The following FRYL variants were observed in gnomAD, a reference collection of about 807,000 sequenced individuals.
The protein encoded by FRYL is protein furry homolog-like.
In FRYL, 150 loss-of-function variants were observed where a neutral mutation model predicts 351.2. That is an observed-to-expected ratio of 0.43 (90% CI 0.37 to 0.49). The LOEUF is 0.49. Ranked by LOEUF, FRYL falls within the 20% of genes least tolerant of loss-of-function variation. FRYL has a pLI of 0.00. For missense variants in FRYL, 3,036 were observed against 3,619.3 expected (o/e 0.84, Z 4.13); for synonymous variants, 1,153 against 1,257.1 (o/e 0.92, Z 1.75).
chr4:48,725,305 C>A (rs1769960239), intron 1 of FRYL, among the ~76,000 whole-genome samples: 2 of 152,212 alleles, frequency 1.3e-5, no homozygotes, highest in South Asian at 2.1e-4. Flanking sequence ...CCATCAAATT[C>A]TCTGCACTAA....
intron 1 of FRYL, among the ~76,000 whole-genome samples, chr4:48,755,752 A>T (rs1773707199): frequency 6.6e-6 from 1 of 152,148 alleles, no homozygotes; most frequent in African/African-American, 2.4e-5. Context: ...AGGCTTCAAA[A>T]CATACTGAGA....
intron 1 of FRYL, among the ~76,000 whole-genome samples, chr4:48,778,168 G>T (rs1157619793): frequency 6.6e-6 from 1 of 152,152 alleles, no homozygotes; most frequent in African/African-American, 2.4e-5. Flanking sequence ...TCTGTGAGAA[G>T]AATAGATTTT....
chr4:48,620,615 AAC>A, intron 6 of FRYL, 22 bp downstream of exon 6: 1 of 1,592,582 alleles, frequency 6.3e-7, no homozygotes, highest in Non-Finnish European at 8.6e-7. Flanking sequence ...TTCCAGGTGA[AAC>A]AGTGTAAAAT....
intron 46 of FRYL, 85 bp from the exon 47 acceptor site, chr4:48,540,153 A>C: frequency 2.5e-6 from 3 of 1,219,244 alleles, no homozygotes; most frequent in Non-Finnish European, 3.4e-6. Context: ...GATGGTTCAC[A>C]GAAACCATTT....
At chr4:48,525,426 T>A (rs1460237445) in intron 53 of FRYL, among the ~76,000 whole-genome samples, 2 of 152,140 alleles carry the variant, frequency 1.3e-5, no homozygotes, top group East Asian at 3.8e-4. Context: ...CATGGTCACA[T>A]CCTCACATCT....
At chr4:48,529,434 C>T (rs1727034355) in intron 50 of FRYL, among the ~76,000 whole-genome samples, 2 of 152,170 alleles carry the variant, frequency 1.3e-5, no homozygotes, top group Admixed American at 1.3e-4. Flanking sequence ...ATTTGCATCA[C>T]TGCTTCAAAT....
intron 3 of FRYL, among the ~76,000 whole-genome samples, chr4:48,661,641 C>T (rs927501740): frequency 3.9e-5 from 6 of 152,170 alleles, no homozygotes; most frequent in Non-Finnish European, 7.4e-5. Flanking sequence ...CCAAAACAAA[C>T]AACACTCTTT....
At chr4:48,697,716 T>C (rs1474108044) in intron 2 of FRYL, among the ~76,000 whole-genome samples, 1 of 152,152 alleles carries the variant, frequency 6.6e-6, no homozygotes, top group East Asian at 1.9e-4. Flanking sequence ...TGACCTCAGG[T>C]GATCCACCCG....
At chr4:48,746,519 C>T (rs543708470) in intron 1 of FRYL, among the ~76,000 whole-genome samples, 58 of 150,376 alleles carry the variant, frequency 3.9e-4, no homozygotes, top group Non-Finnish European at 7.2e-4. Flanking sequence ...CACTCCAGCC[C>T]GGGCGACAGA....
chr4:48,523,013 T>C lies in FRYL; in HGVS notation c.7409A>G (p.Gln2470Arg). 6.2e-7 allele frequency: 1 copy of C among 1,613,706 alleles called. No individual in the cohort carries two copies. The highest frequency in any genetic ancestry group is 1.1e-5 in the South Asian group (1 of 91,076). ...CAGGCTGGGGGTGCTACTAGAGCAC[T>C]GGTACTCCTGGAGGGATGGAGTGTC... ...KGDTPSLQEYQCSSSTPSLNL... is the reference protein window; with the variant it reads ...KGDTPSLQEYRCSSSTPSLNL... The change falls in exon 54 of 64, where the codon CAG (glutamine) becomes CGG (arginine). Residue 2470 changes from glutamine (Q) to arginine (R), a missense_variant. Physicochemically the swap from Gln to Arg is conservative, Grantham distance 43. Transcript: ENST00000358350.
At chr4:48,709,509 G>A (rs1578788966) in intron 2 of FRYL, among the ~76,000 whole-genome samples, 1 of 152,062 alleles carries the variant, frequency 6.6e-6, no homozygotes, top group Admixed American at 6.5e-5. Context: ...TTCTGACAGT[G>A]GAGATCTTAT....
intron 2 of FRYL, among the ~76,000 whole-genome samples, chr4:48,695,794 T>G (rs1196713040): frequency 6.6e-6 from 1 of 152,116 alleles, no homozygotes; most frequent in Non-Finnish European, 1.5e-5. Flanking sequence ...GACAAAGGTC[T>G]AATATCCAGA....
chr4:48,521,181 G>T lies in FRYL; in HGVS notation c.7556C>A (p.Pro2519Gln), dbSNP rs1724816535. 6.2e-7 allele frequency: 1 copy of T among 1,611,166 alleles called. No individual in the cohort carries two copies. Among genetic ancestry groups the T allele is most frequent in the Admixed American group, 1.7e-5 (1 of 59,820 alleles). The change falls in exon 55 of 64, where the codon CCA (proline) becomes CAA (glutamine). Residue 2519 changes from proline (P) to glutamine (Q), a missense_variant. Pro to Gln is a moderately conservative substitution (Grantham distance 76). Coordinates refer to ENST00000358350, the MANE Select transcript of FRYL (RefSeq NM_015030.2). ...CTGGAGAAGTAAGTCAGGATGGTCT[G>T]GTATTGTTTCATCAGTGGCAGAATC... ...NSDSATDETI[P>Q]DHPDLLLQSE...
intron 13 of FRYL, among the ~76,000 whole-genome samples, chr4:48,597,772 G>T (rs1369148591): frequency 6.6e-6 from 1 of 152,046 alleles, no homozygotes; most frequent in African/African-American, 2.4e-5. Context: ...TAAGTGATGA[G>T]GTATCTGGCA....
chr4:48,767,893 A>T (rs1373439333), intron 1 of FRYL, among the ~76,000 whole-genome samples: 1 of 152,190 alleles, frequency 6.6e-6, no homozygotes, highest in Non-Finnish European at 1.5e-5. Flanking sequence ...CGCCAACAGC[A>T]CAAGCTCTAG....
At chr4:48,684,554 G>T (rs1473183620) in intron 3 of FRYL, 119 bp downstream of exon 3, 2 of 152,136 alleles carry the variant, frequency 1.3e-5, no homozygotes, top group Non-Finnish European at 2.9e-5. Context: ...TTAACTCCTG[G>T]TATAATAGTT....
At chr4:48,669,743 G>A (rs1762349375) in intron 3 of FRYL, among the ~76,000 whole-genome samples, 1 of 151,066 alleles carries the variant, frequency 6.6e-6, no homozygotes, top group Non-Finnish European at 1.5e-5. Context: ...AAAGATGGAG[G>A]AGACAGATGT....
intron 2 of FRYL, among the ~76,000 whole-genome samples, chr4:48,686,868 C>A (rs1047459093): frequency 6.6e-6 from 1 of 152,220 alleles, no homozygotes; most frequent in African/African-American, 2.4e-5. Flanking sequence ...CCAGAGTTTG[C>A]AACACTTCTT....
chr4:48,641,756 T>G (rs1007169050), intron 3 of FRYL, among the ~76,000 whole-genome samples: 1 of 152,214 alleles, frequency 6.6e-6, no homozygotes, highest in Non-Finnish European at 1.5e-5. Flanking sequence ...GGATGGATCC[T>G]TCTCTCATTT....
Sources: gnomAD v4.1 joint callset for allele counts (sites outside exome capture counted in the v4.1 genomes callset) on GRCh38, gnomAD v4.1.1 for gene constraint, MANE v1.5 for transcripts, NCBI Gene and HGNC (gene_info 2026-07-23, HGNC 2026-07-21) for gene names.